LAMA2: variants seen among roughly 807,000 people sequenced by gnomAD.
LAMA2 encodes laminin subunit alpha-2.
Under a neutral mutation model 364.8 loss-of-function variants are expected in LAMA2, and 269 were observed. The observed-to-expected ratio is 0.74, with a 90% CI of 0.67 to 0.82. The LOEUF is 0.82. Ranked by LOEUF, LAMA2 falls within the 40% of genes least tolerant of loss-of-function variation. LAMA2 has a pLI of 0.00. For synonymous variants in LAMA2, 1,379 were observed against 1,370.6 expected (o/e 1.01, Z -0.14); for missense variants, 3,807 against 3,873.2 (o/e 0.98, Z 0.45).
intron 40 of LAMA2, among the ~76,000 whole-genome samples, chr6:129,407,241 A>G (rs969574691): frequency 6.6e-6 from 1 of 152,086 alleles, no homozygotes; most frequent in Non-Finnish European, 1.5e-5. Flanking sequence ...GTTCAATCCA[A>G]TCAAGCTGAT....
chr6:129,416,809 G>A (rs1341277055), intron 40 of LAMA2, among the ~76,000 whole-genome samples: 1 of 152,172 alleles, frequency 6.6e-6, no homozygotes, highest in African/African-American at 2.4e-5. Context: ...GCAGAGTGGC[G>A]AGGGGTGTGT....
intron 12 of LAMA2, among the ~76,000 whole-genome samples, chr6:129,225,112 T>A (rs265343): frequency 0.6 from 91,865 of 152,062 alleles, 31,617 homozygotes; most frequent in Non-Finnish European, 0.77. Flanking sequence ...TTTTCTAGTT[T>A]ATTTGCATAG....
In LAMA2 at chr6:129,328,341, C is replaced by G; in HGVS notation, c.4240C>G (p.Leu1414Val). The G allele has an allele frequency of 6.2e-7, 1 of 1,614,208 alleles. No individual in the cohort carries two copies. The highest frequency in any genetic ancestry group is 8.5e-7 in the Non-Finnish European group (1 of 1,180,028). Residue 1414 changes from leucine to valine, a missense_variant, in exon 29 of 65, where the codon CTG (leucine) becomes GTG (valine). By Grantham distance (32) the Leu-to-Val change is conservative (BLOSUM62 1). Coordinates refer to ENST00000421865, the MANE Select transcript of LAMA2 (RefSeq NM_000426.4). ...QPGGRTPGPTLGTCVPCQCNG... is the reference protein window; with the variant it reads ...QPGGRTPGPTVGTCVPCQCNG... ...AGGTGGCCGCACCCCTGGACCAACC[C>G]TGGGCACCTGTGTTCCATGTCAATG... is the stretch of plus-strand genomic sequence containing the variant.
At chr6:128,960,020 T>C (rs1228658980) in intron 1 of LAMA2, among the ~76,000 whole-genome samples, 1 of 152,070 alleles carries the variant, frequency 6.6e-6, no homozygotes, top group African/African-American at 2.4e-5. Flanking sequence ...TGAACAGTTT[T>C]ATGATTTTTC....
At chr6:128,892,480 C>A (rs953594124) in intron 1 of LAMA2, among the ~76,000 whole-genome samples, 1 of 151,878 alleles carries the variant, frequency 6.6e-6, no homozygotes, top group Non-Finnish European at 1.5e-5. Context: ...TTAAAAACTT[C>A]TTTAATACTT....
rs183628045 is a variant in LAMA2, at chr6:128,929,517, T to C, written c.112+46160T>C. 5.9e-5 allele frequency: 52 copies of C among 877,894 alleles called. No homozygotes were observed. The African/African-American group carries it at 7.1e-4, about 12-fold the overall frequency. The allele number at this position is 877,894 out of a possible 1,614,324, so 54.4% of individuals were successfully genotyped here. A position where few individuals can be genotyped will look rare whatever the true frequency, so the allele number is the denominator to read the frequency against. Reference sequence around the variant, plus strand: ...GGTATGCCGACCAGATCGATTCTGCTTGTACCTGTAGAGAAACTCCTGAGC... The same window carrying C: ...GGTATGCCGACCAGATCGATTCTGCCTGTACCTGTAGAGAAACTCCTGAGC... On this transcript the variant is annotated intron_variant, in intron 1 of 64. Coordinates refer to ENST00000421865, the MANE Select transcript of LAMA2 (RefSeq NM_000426.4).
intron 12 of LAMA2, among the ~76,000 whole-genome samples, chr6:129,216,906 C>T (rs1193598884): frequency 5.9e-5 from 9 of 152,162 alleles, no homozygotes; most frequent in Admixed American, 5.9e-4. Flanking sequence ...TCTTAGAATA[C>T]AGGGTTGGGC....
rs1787091516 is a variant in LAMA2 at position 129,516,461 on chromosome 6, A to ATTCT, written c.*119_*122dup. Reference sequence around the variant, plus strand: ...AAACTAATTTGTGCATGTACATAGAATTCTTTCTGTATTCAGATGGTGCTA... The same window carrying ATTCT: ...AAACTAATTTGTGCATGTACATAGAATTCTTTCTTTCTGTATTCAGATGGTGCTA... On this transcript the variant is annotated 3_prime_UTR_variant, in exon 65 of 65. Coordinates refer to ENST00000421865, the MANE Select transcript of LAMA2 (RefSeq NM_000426.4). 9.2e-7 allele frequency: 1 copy of ATTCT among 1,088,752 alleles called. No individual in the cohort carries two copies. The highest frequency in any genetic ancestry group is 1.3e-5 in the South Asian group (1 of 74,100). 67.4% of individuals were successfully genotyped at this position (1,088,752 alleles called of 1,614,324 possible). A position where few individuals can be genotyped will look rare whatever the true frequency, so the allele number is the denominator to read the frequency against.
At chr6:129,190,178 G>A (rs770817845) in intron 10 of LAMA2, 27 bp from the exon 11 acceptor site, 2 of 1,611,462 alleles carry the variant, frequency 1.2e-6, no homozygotes, top group South Asian at 1.1e-5. Context: ...GGATACCTCT[G>A]TTGCTGATAC....
chr6:129,265,183 A>C (rs2114337412), intron 15 of LAMA2, among the ~76,000 whole-genome samples: 1 of 152,276 alleles, frequency 6.6e-6, no homozygotes, highest in East Asian at 1.9e-4. Context: ...CATTCCCCAC[A>C]TCACTTGTTT....
intron 34 of LAMA2, among the ~76,000 whole-genome samples, chr6:129,380,537 G>A (rs1015286891): frequency 2.6e-5 from 4 of 152,018 alleles, no homozygotes; most frequent in Non-Finnish European, 4.4e-5. Flanking sequence ...TGAAGGAAAC[G>A]TCCTGCTGCA....
chr6:129,172,370 T>C (rs944859015), intron 9 of LAMA2, among the ~76,000 whole-genome samples: 4 of 152,238 alleles, frequency 2.6e-5, no homozygotes, highest in Non-Finnish European at 5.9e-5. Flanking sequence ...ATGTCCTTTC[T>C]GTTTGTTAGT....
At position 129,048,772 on chromosome 6, in the gene LAMA2, G is replaced by A. The variant is rs570735738; in HGVS notation, c.113-1146G>A. Among the ~76,000 whole-genome samples the A allele has an allele frequency of 6.6e-5, 10 of 151,496 alleles. No individual in the cohort carries two copies. In the South Asian group the frequency reaches 8.4e-4, roughly 13 times the overall value. On this transcript the variant is annotated intron_variant, in intron 1 of 64. Transcript: ENST00000421865. ...TGGGATTACAGATGCCCACCACCAC[G>A]CCCTGCTAATTTTTGTATTTTTAGT... is the stretch of plus-strand genomic sequence containing the variant.
chr6:128,927,570 T>A (rs114325794), intron 1 of LAMA2, among the ~76,000 whole-genome samples: 1 of 152,282 alleles, frequency 6.6e-6, no homozygotes, highest in African/African-American at 2.4e-5. Context: ...CTAAACATTC[T>A]CCCTCTGAAG....
chr6:129,174,804 C>T (rs1397955576), intron 9 of LAMA2, among the ~76,000 whole-genome samples: 2 of 152,164 alleles, frequency 1.3e-5, no homozygotes, highest in Non-Finnish European at 2.9e-5. Flanking sequence ...ATTCTGTTAT[C>T]TGCCATCTGT....
chr6:129,478,339 G>T (rs940477053), intron 53 of LAMA2, among the ~76,000 whole-genome samples: 1 of 151,974 alleles, frequency 6.6e-6, no homozygotes, highest in African/African-American at 2.4e-5. Context: ...TGTTTATGCT[G>T]CCTATGCAAT....
chr6:128,944,406 T>C (rs1780365521), intron 1 of LAMA2, among the ~76,000 whole-genome samples: 1 of 152,136 alleles, frequency 6.6e-6, no homozygotes, highest in African/African-American at 2.4e-5. Flanking sequence ...AAACCTCAGG[T>C]GCCAGACTTC....
At chr6:129,421,870 C>G (rs1489404490) in intron 40 of LAMA2, among the ~76,000 whole-genome samples, 2 of 152,086 alleles carry the variant, frequency 1.3e-5, no homozygotes, top group Admixed American at 6.6e-5. Flanking sequence ...TCTCTTTTCT[C>G]TGGCCTATAC....
chr6:129,167,836 A>C (rs1476290884), intron 9 of LAMA2, among the ~76,000 whole-genome samples: 1 of 150,804 alleles, frequency 6.6e-6, no homozygotes, highest in Non-Finnish European at 1.5e-5. Context: ...TTGTTTCCTG[A>C]CTTTTTAATG....
Sources: gnomAD v4.1 joint callset for allele counts (sites outside exome capture counted in the v4.1 genomes callset) on GRCh38, gnomAD v4.1.1 for gene constraint, MANE v1.5 for transcripts, NCBI Gene and HGNC (gene_info 2026-07-23, HGNC 2026-07-21) for gene names.